Variants in PHACTR1 observed in about 807,000 individuals in gnomAD.
PHACTR1 encodes the protein RPEL repeat containing 1.
Under a neutral mutation model 69.2 loss-of-function variants are expected in PHACTR1, and 16 were observed. That is an observed-to-expected ratio of 0.23 (90% CI 0.16 to 0.35). The LOEUF (loss-of-function observed/expected upper bound fraction) is 0.35. Ranked by LOEUF, PHACTR1 falls within the 10% of genes least tolerant of loss-of-function variation. PHACTR1 has a pLI of 1.00. For synonymous variants in PHACTR1, 312 were observed against 284.5 expected (o/e 1.10, Z -0.97); for missense variants, 510 against 734.7 (o/e 0.69, Z 3.54).
chr6:13,205,007 G>A (rs1150596), intron 7 of PHACTR1, among the ~76,000 whole-genome samples: 5,601 of 152,212 alleles, frequency 0.037, 358 homozygotes, highest in African/African-American at 0.13. Context: ...TCTGTTTTGT[G>A]TTGCTGTAAC....
intron 4 of PHACTR1, among the ~76,000 whole-genome samples, chr6:12,814,231 T>C (rs1032286057): frequency 6.6e-6 from 1 of 152,148 alleles, no homozygotes; most frequent in Non-Finnish European, 1.5e-5. Context: ...CCTGTGTTGA[T>C]AGTGTTGTGA....
intron 5 of PHACTR1, among the ~76,000 whole-genome samples, chr6:13,096,633 G>A (rs184810436): frequency 5.3e-5 from 8 of 152,306 alleles, no homozygotes; most frequent in Admixed American, 4.6e-4. Context: ...AGGATGTGAT[G>A]AGACTCAGGG....
At chr6:12,942,638 G>A (rs966471321) in intron 4 of PHACTR1, among the ~76,000 whole-genome samples, 1 of 152,116 alleles carries the variant, frequency 6.6e-6, no homozygotes, top group Non-Finnish European at 1.5e-5. Flanking sequence ...CAGCCTGGGC[G>A]ACAGAACGAG....
intron 4 of PHACTR1, among the ~76,000 whole-genome samples, chr6:12,952,541 G>A (rs1435424793): frequency 6.6e-6 from 1 of 152,100 alleles, no homozygotes; most frequent in African/African-American, 2.4e-5. Flanking sequence ...GTCTTTTCAC[G>A]GCTTGAGAGC....
chr6:12,908,908 T>C (rs1786052117), intron 4 of PHACTR1, among the ~76,000 whole-genome samples: 2 of 152,176 alleles, frequency 1.3e-5, no homozygotes, highest in African/African-American at 4.8e-5. Context: ...CTGGATGATT[T>C]TAAGCCTAGA....
At position 13,227,632 on chromosome 6, in the gene PHACTR1, T is replaced by C. The variant is rs568728294; in HGVS notation, c.987-184T>C. 2.0e-5 allele frequency among the ~76,000 whole-genome samples: 3 copies of C among 152,348 alleles called. No individual in the cohort carries two copies. In the East Asian group the frequency reaches 5.8e-4, roughly 29 times the overall value. On this transcript the variant is annotated intron_variant, in intron 8 of 14. Coordinates refer to ENST00000332995, the MANE Select transcript of PHACTR1 (RefSeq NM_030948.6). Reference sequence around the variant, plus strand: ...CAGGAAACCGTGCCATCTTAGCCACTATTCCCATCAGGACACCGTGCCGTC... The same window carrying C: ...CAGGAAACCGTGCCATCTTAGCCACCATTCCCATCAGGACACCGTGCCGTC...
intron 5 of PHACTR1, among the ~76,000 whole-genome samples, chr6:13,069,491 T>C (rs1194722953): frequency 6.6e-6 from 1 of 152,134 alleles, no homozygotes; most frequent in Non-Finnish European, 1.5e-5. Flanking sequence ...CTGCCTCTCC[T>C]TGGACCAGTC....
intron 3 of PHACTR1, among the ~76,000 whole-genome samples, chr6:12,732,127 G>A (rs921750296): frequency 1.3e-5 from 2 of 151,896 alleles, no homozygotes; most frequent in East Asian, 1.9e-4. Context: ...AGTGTCTTAC[G>A]ATACACATAA....
At chr6:13,261,569 G>A (rs1775913774) in intron 10 of PHACTR1, among the ~76,000 whole-genome samples, 1 of 152,222 alleles carries the variant, frequency 6.6e-6, no homozygotes, top group African/African-American at 2.4e-5. Flanking sequence ...GTAGGAGGGT[G>A]TTCTGTGCAC....
chr6:12,721,664 G>A (rs930661927), intron 3 of PHACTR1, among the ~76,000 whole-genome samples: 1 of 152,084 alleles, frequency 6.6e-6, no homozygotes. Context: ...CAGCACACAG[G>A]ACCTATCACC....
At position 13,283,330 on chromosome 6, in the gene PHACTR1, C is replaced by T. The variant is rs371052598; in HGVS notation, c.1510-92C>T. On this transcript the variant is annotated intron_variant, in intron 12 of 14. Coordinates refer to ENST00000332995, the MANE Select transcript of PHACTR1 (RefSeq NM_030948.6). The surrounding 1 kb of genome is among the most constrained non-coding windows in gnomAD (Gnocchi z 4.7). ...CGATGCATCCATCGCCTCACTGAAC[C>T]TTATTTTCCACACCTGCAAGTTCAC... The T allele has an allele frequency of 2.4e-5, 37 of 1,513,518 alleles. No homozygotes were observed. Among genetic ancestry groups the T allele is most frequent in the East Asian group, 1.8e-4 (8 of 43,826 alleles). 93.8% of individuals were successfully genotyped at this position (1,513,518 alleles called of 1,614,324 possible).
chr6:12,838,035 C>A (rs568920432), intron 4 of PHACTR1, among the ~76,000 whole-genome samples: 70 of 152,348 alleles, frequency 4.6e-4, no homozygotes, highest in Admixed American at 2.1e-3. Context: ...AGTTGTAGGA[C>A]TGAGGGACTT....
At chr6:12,998,876 C>G (rs1176291779) in intron 4 of PHACTR1, among the ~76,000 whole-genome samples, 1 of 151,960 alleles carries the variant, frequency 6.6e-6, no homozygotes, top group Admixed American at 6.6e-5. Flanking sequence ...GACACAGAAA[C>G]CTGAATACCT....
intron 4 of PHACTR1, among the ~76,000 whole-genome samples, chr6:13,010,928 G>A (rs527280523): frequency 1.4e-4 from 21 of 152,332 alleles, no homozygotes; most frequent in Admixed American, 1.1e-3. Flanking sequence ...GGGACAGTGC[G>A]CACATCAGCC....
At chr6:13,013,250 C>T (rs1423532541) in intron 4 of PHACTR1, among the ~76,000 whole-genome samples, 1 of 152,198 alleles carries the variant, frequency 6.6e-6, no homozygotes, top group African/African-American at 2.4e-5. Flanking sequence ...TTTTTAATGA[C>T]CCTGGCGTTA....
intron 4 of PHACTR1, among the ~76,000 whole-genome samples, chr6:12,776,792 G>C (rs1300701164): frequency 6.6e-6 from 1 of 152,108 alleles, no homozygotes; most frequent in Non-Finnish European, 1.5e-5. Flanking sequence ...TCTTCTTACT[G>C]CTCACTTATA....
At chr6:13,212,339 TC>T (rs1287236626) in intron 8 of PHACTR1, among the ~76,000 whole-genome samples, 3 of 151,994 alleles carry the variant, frequency 2.0e-5, no homozygotes, top group Non-Finnish European at 4.4e-5. Context: ...AGCAAAATCC[TC>T]CCCATGGCCC....
At chr6:12,741,003 G>T (rs542319213) in intron 3 of PHACTR1, among the ~76,000 whole-genome samples, 2 of 150,830 alleles carry the variant, frequency 1.3e-5, no homozygotes, top group South Asian at 2.1e-4. Flanking sequence ...TAATTTCCTT[G>T]ACCTGCTTTT....
chr6:13,101,845 C>T (rs896568917), intron 5 of PHACTR1, among the ~76,000 whole-genome samples: 7 of 152,148 alleles, frequency 4.6e-5, no homozygotes, highest in African/African-American at 9.7e-5. Context: ...TGGTGCTGCT[C>T]ATAATCAGTG....
Sources: gnomAD v4.1 joint callset for allele counts (sites outside exome capture counted in the v4.1 genomes callset) on GRCh38, gnomAD v4.1.1 for gene constraint, Gnocchi (gnomAD v3.1) non-coding constraint, MANE v1.5 for transcripts, NCBI Gene and HGNC (gene_info 2026-07-23, HGNC 2026-07-21) for gene names.